Variants in CPEB1 observed in about 807,000 individuals in gnomAD.
The protein encoded by CPEB1 is cytoplasmic polyadenylation element binding protein 1, also known as cytoplasmic polyadenylation element-binding protein 1.
Under a neutral mutation model 65.8 loss-of-function variants are expected in CPEB1, and 7 were observed. That is an observed-to-expected ratio of 0.11 (90% CI 0.06 to 0.20). CPEB1 has a LOEUF of 0.20. CPEB1 is among the 10% of genes least tolerant of loss of function. The pLI is 1.00. For missense variants in CPEB1, 551 were observed against 712.2 expected, an observed-to-expected ratio of 0.77 and a Z score of 2.58; for synonymous variants, 262 against 260.0, an observed-to-expected ratio of 1.01 and a Z score of -0.08.
chr15:82,647,891 G>T, upstream of CPEB1: 3 of 1,233,634 alleles, frequency 2.4e-6, no homozygotes, highest in East Asian at 6.4e-5. Context: ...TGGCCCTGCG[G>T]GGCTGACGGG....
At chr15:82,578,136 T>C (rs8028363) in intron 3 of CPEB1, among the ~76,000 whole-genome samples, 23,962 of 151,130 alleles carry the variant, frequency 0.16, 2,300 homozygotes, top group African/African-American at 0.25. Flanking sequence ...CGAGACTCCG[T>C]CTCAAAAAAA....
intron 3 of CPEB1, among the ~76,000 whole-genome samples, chr15:82,614,309 T>C (rs544291876): frequency 6.6e-6 from 1 of 152,316 alleles, no homozygotes; most frequent in South Asian, 2.1e-4. Flanking sequence ...CCAGCTGTAA[T>C]ATTCTATTTC....
chr15:82,599,135 T>C (rs2042899298), intron 3 of CPEB1, among the ~76,000 whole-genome samples: 1 of 152,026 alleles, frequency 6.6e-6, no homozygotes, highest in African/African-American at 2.4e-5. Flanking sequence ...TGTTCACAAA[T>C]GAAAAACTTA....
rs1187561538 is a variant in CPEB1, at chr15:82,571,449, C to A, written c.355G>T (p.Ala119Ser). ...TGCAGGCCAAGGCACAAGTCATTTG[C>A]ATCTGGGAGGCCACGGGAAGATTCT... ...AQESSRGLPD[A>S]NDLCLGLQSL... Residue 119 changes from alanine (A) to serine (S), a missense_variant, in exon 4 of 13, where the codon GCA becomes TCA. Around this residue, in one of 6 missense-constraint regions of CPEB1, gnomAD observed 223 missense variants for 228.6 expected, o/e 0.98. Transcript: ENST00000684509. The A allele has an allele frequency of 1.2e-6, 2 of 1,614,174 alleles. No individual in the cohort carries two copies. The highest frequency in any genetic ancestry group is 1.7e-6 in the Non-Finnish European group (2 of 1,180,030).
At chr15:82,580,912 C>T (rs370485403) in intron 3 of CPEB1, among the ~76,000 whole-genome samples, 27 of 150,898 alleles carry the variant, frequency 1.8e-4, no homozygotes, top group Admixed American at 4.6e-4. Context: ...GATGCAATGA[C>T]GCAATAATGG....
At chr15:82,620,982 C>A (rs1026736918) in intron 3 of CPEB1, among the ~76,000 whole-genome samples, 1 of 152,188 alleles carries the variant, frequency 6.6e-6, no homozygotes, top group Non-Finnish European at 1.5e-5. Flanking sequence ...TTAACTTCAA[C>A]AACACAAGTT....
chr15:82,625,066 C>T (rs2045640859), intron 3 of CPEB1, among the ~76,000 whole-genome samples: 1 of 152,186 alleles, frequency 6.6e-6, no homozygotes, highest in Non-Finnish European at 1.5e-5. Context: ...CTCCTGGCTT[C>T]AAGTGATCCA....
intron 3 of CPEB1, among the ~76,000 whole-genome samples, chr15:82,595,443 T>C (rs956861176): frequency 6.6e-6 from 1 of 152,238 alleles, no homozygotes; most frequent in African/African-American, 2.4e-5. Flanking sequence ...TTCTACATCC[T>C]GATCAACAAT....
At chr15:82,592,619 T>C (rs2042349792) in intron 3 of CPEB1, among the ~76,000 whole-genome samples, 1 of 151,942 alleles carries the variant, frequency 6.6e-6, no homozygotes, top group African/African-American at 2.4e-5. Flanking sequence ...TATAGTCTAT[T>C]AAATGTGTAA....
chr15:82,592,362 C>T (rs1032814952), intron 3 of CPEB1, among the ~76,000 whole-genome samples: 4 of 150,714 alleles, frequency 2.7e-5, no homozygotes, highest in Non-Finnish European at 5.9e-5. Flanking sequence ...CAGAGATGGG[C>T]GGATCACTTG....
chr15:82,632,480 G>A (rs2046343467), intron 1 of CPEB1, among the ~76,000 whole-genome samples: 2 of 151,890 alleles, frequency 1.3e-5, no homozygotes, highest in South Asian at 2.1e-4. Flanking sequence ...TCAGATTAGG[G>A]CTGCTCGACA....
chr15:82,544,638 T>C lies in CPEB1; in HGVS notation c.1721A>G (p.His574Arg). Residue 574 changes from histidine (H) to arginine (R), a missense_variant, in exon 13 of 13, where the codon CAC becomes CGC. Transcript: ENST00000684509. ...HWRHSMEGLR[H>R]HSPLMRNQKN... is the part of the protein sequence containing the mutation. The stretch of plus-strand genomic sequence containing the variant: ...CTGGTTCCGCATCAGGGGGCTGTGG[T>C]GGCGCAGGCCCTCCATGCTGTGCCG... The C allele has an allele frequency of 1.2e-6, 2 of 1,613,328 alleles. No individual in the cohort carries two copies. Among genetic ancestry groups the C allele is most frequent in the Non-Finnish European group, 8.5e-7 (1 of 1,179,842 alleles).
chr15:82,591,842 CTTTT>C (rs771971142), intron 3 of CPEB1, among the ~76,000 whole-genome samples: 27 of 134,130 alleles, frequency 2.0e-4, no homozygotes, highest in African/African-American at 7.1e-4. Flanking sequence ...TGTATCAGAA[CTTTT>C]TTTTTTTTTT....
chr15:82,625,062 G>T (rs999303587), intron 3 of CPEB1, among the ~76,000 whole-genome samples: 4 of 152,078 alleles, frequency 2.6e-5, no homozygotes, highest in Non-Finnish European at 5.9e-5. Context: ...CAAACTCCTG[G>T]CTTCAAGTGA....
intron 2 of CPEB1, chr15:82,628,111 G>C: frequency 1.5e-6 from 1 of 674,884 alleles, no homozygotes; most frequent in Non-Finnish European, 2.7e-6. Context: ...ATAGAGAGAA[G>C]GTCATGAAAG....
At chr15:82,642,797 A>C (rs997717870) in intron 1 of CPEB1, among the ~76,000 whole-genome samples, 4 of 152,316 alleles carry the variant, frequency 2.6e-5, no homozygotes, top group East Asian at 1.9e-4. Context: ...GATTAGCACA[A>C]CTTCTCCATA....
At chr15:82,606,156 ATTG>A (rs899661890) in intron 3 of CPEB1, among the ~76,000 whole-genome samples, 2 of 151,998 alleles carry the variant, frequency 1.3e-5, no homozygotes, top group Non-Finnish European at 2.9e-5. Flanking sequence ...TTTGACCTAG[ATTG>A]TTAATATAAA....
chr15:82,586,704 A>G (rs2041832752), intron 3 of CPEB1, among the ~76,000 whole-genome samples: 2 of 152,222 alleles, frequency 1.3e-5, no homozygotes, highest in South Asian at 4.1e-4. Context: ...TTGTAGGTTC[A>G]GGCTGGTTTC....
At chr15:82,603,468 G>A (rs953350262) in intron 3 of CPEB1, among the ~76,000 whole-genome samples, 4 of 150,916 alleles carry the variant, frequency 2.7e-5, no homozygotes, top group Admixed American at 2.6e-4. Context: ...AAAGGCTGGG[G>A]AATGAAATAT....
Sources: allele counts gnomAD v4.1 joint callset (sites outside exome capture counted in the v4.1 genomes callset), GRCh38; gene constraint gnomAD v4.1.1; regional missense constraint gnomAD v4.1.1; transcripts MANE v1.5; gene names NCBI Gene and HGNC (gene_info 2026-07-23, HGNC 2026-07-21).